The following CACNA1I variants were observed in gnomAD, a reference collection of about 807,000 sequenced individuals.
CACNA1I encodes calcium voltage-gated channel subunit alpha1 I, also known as voltage-dependent T-type calcium channel subunit alpha-1I.
In CACNA1I, 74 loss-of-function variants were observed where a neutral mutation model predicts 201.6. The ratio of observed to expected loss-of-function variants is 0.37; its 90% confidence interval spans 0.30 to 0.45. The LOEUF is 0.45. CACNA1I is among the 20% of genes least tolerant of loss of function. The probability of loss-of-function intolerance (pLI) is 1.00; values close to 1 mark genes in which losing one functional copy is unlikely to be tolerated. For synonymous variants in CACNA1I, 1,431 were observed against 1,345.2 expected (o/e 1.06, Z -1.40); for missense variants, 2,346 against 3,138.1 (o/e 0.75, Z 6.03).
intron 17 of CACNA1I, 102 bp downstream of exon 17, chr22:39,662,537 C>T: frequency 1.1e-6 from 1 of 924,784 alleles, no homozygotes; most frequent in Non-Finnish European, 1.5e-6. Flanking sequence ...CCACGGGGGG[C>T]GTGGCCGGGG....
chr22:39,598,516 C>T (rs1932946138), intron 2 of CACNA1I, among the ~76,000 whole-genome samples: 1 of 152,164 alleles, frequency 6.6e-6, no homozygotes, highest in South Asian at 2.1e-4. Context: ...CGGATCCTCT[C>T]TTCCCTTTAT....
intron 4 of CACNA1I, among the ~76,000 whole-genome samples, chr22:39,632,958 C>T (rs966917545): frequency 6.6e-6 from 1 of 151,832 alleles, no homozygotes; most frequent in African/African-American, 2.4e-5. Context: ...GGAGGCTGAC[C>T]TAGTTTTGTG....
At chr22:39,667,600 G>A (rs1347214857) in intron 23 of CACNA1I, among the ~76,000 whole-genome samples, 2 of 152,058 alleles carry the variant, frequency 1.3e-5, no homozygotes, top group African/African-American at 2.4e-5. Context: ...TTCTGTGCTG[G>A]GTGCTGCAGA....
intron 18 of CACNA1I, 71 bp downstream of exon 18, chr22:39,662,947 C>A: frequency 1.9e-6 from 2 of 1,053,850 alleles, no homozygotes; most frequent in Non-Finnish European, 2.9e-6. Context: ...TCTGCCAAGC[C>A]AGGCAAGGCC....
intron 31 of CACNA1I, among the ~76,000 whole-genome samples, chr22:39,678,348 C>G (rs539054883): frequency 1.3e-5 from 2 of 152,332 alleles, no homozygotes; most frequent in East Asian, 1.9e-4. Flanking sequence ...GGCTCAGATT[C>G]TAGGGTAGAC....
rs576226167 is a variant in CACNA1I at position 39,649,125 on chromosome 22, A to C, written c.1568-376A>C. Among the ~76,000 whole-genome samples the C allele has an allele frequency of 3.3e-5, 5 of 152,306 alleles. No individual in the cohort carries two copies. Among genetic ancestry groups the C allele is most frequent in the African/African-American group, 1.2e-4 (5 of 41,562 alleles). ...ACATTGGCCTGACTCTTTCAGAATC[A>C]CATCTAGTTCCCAAGCTGCACGACT... On this transcript the variant is annotated intron_variant, in intron 9 of 36. Coordinates refer to ENST00000402142, the MANE Select transcript of CACNA1I (RefSeq NM_021096.4). This position sits in a 1 kb window ranked among gnomAD's most constrained non-coding sequence, Gnocchi z 7.3.
Position 39,596,492 on chromosome 22 carries a change from A to G in CACNA1I, c.237-1659A>G, listed in dbSNP as rs1200118429. 5.3e-3 allele frequency among the ~76,000 whole-genome samples: 86 copies of G among 16,082 alleles called. 1 individual carries two copies. The highest frequency in any genetic ancestry group is 0.031 in the South Asian group (11 of 360). The allele number at this position is 16,082 out of a possible 152,430, so 10.6% of individuals were successfully genotyped here. On this transcript the variant is annotated intron_variant, in intron 1 of 36. Coordinates refer to ENST00000402142, the MANE Select transcript of CACNA1I (RefSeq NM_021096.4). ...AGAGAGATGGGGGAGCAGGATGGAGAGAGATGGGGGGCAGGGTGGAGAGAG... is the reference window on the plus strand; with the variant it reads ...AGAGAGATGGGGGAGCAGGATGGAGGGAGATGGGGGGCAGGGTGGAGAGAG...
At chr22:39,595,245 C>T (rs143912469) in intron 1 of CACNA1I, among the ~76,000 whole-genome samples, 24 of 151,570 alleles carry the variant, frequency 1.6e-4, no homozygotes, top group South Asian at 4.2e-4. Flanking sequence ...GCCGAGATCA[C>T]GCCACTGCAC....
intron 1 of CACNA1I, among the ~76,000 whole-genome samples, chr22:39,579,539 A>T (rs1167364463): frequency 6.6e-6 from 1 of 152,184 alleles, no homozygotes; most frequent in Non-Finnish European, 1.5e-5. Flanking sequence ...TGATGCCAGC[A>T]TCTGTTTCTG....
chr22:39,574,300 C>T (rs1221415828), intron 1 of CACNA1I, among the ~76,000 whole-genome samples: 1 of 152,084 alleles, frequency 6.6e-6, no homozygotes, highest in African/African-American at 2.4e-5. Context: ...GATTCTGGAC[C>T]CGGTGGCTGC....
At chr22:39,595,254 A>C (rs1932867692) in intron 1 of CACNA1I, among the ~76,000 whole-genome samples, 1 of 152,134 alleles carries the variant, frequency 6.6e-6, no homozygotes, top group African/African-American at 2.4e-5. Context: ...ACGCCACTGC[A>C]CTTCAGCCTG....
At position 39,684,862 on chromosome 22, in the gene CACNA1I, G is replaced by A. The variant is rs1470165923; in HGVS notation, c.6027+364G>A. The A allele has an allele frequency of 2.0e-6, 1 of 500,528 alleles. No individual in the cohort carries two copies. The highest frequency in any genetic ancestry group is 3.3e-5 in the East Asian group (1 of 30,102). 31.0% of individuals were successfully genotyped at this position (500,528 alleles called of 1,614,324 possible). ...GGGGAGGACACCCTGGGTGCTCTGG[G>A]TGGGTGTGAGTGGGGGCTTGATTAC... is the stretch of plus-strand genomic sequence containing the variant. On this transcript the variant is annotated intron_variant, in intron 36 of 36. Transcript: ENST00000402142. This position sits in a 1 kb window ranked among gnomAD's most constrained non-coding sequence, Gnocchi z 4.6.
At chr22:39,627,560 G>A (rs1332452328) in intron 4 of CACNA1I, among the ~76,000 whole-genome samples, 1 of 152,264 alleles carries the variant, frequency 6.6e-6, no homozygotes, top group Non-Finnish European at 1.5e-5. Context: ...TCATGGTCAG[G>A]CCAGCCCTGC....
chr22:39,682,936 T>A (rs543212020), intron 35 of CACNA1I, among the ~76,000 whole-genome samples: 1 of 152,066 alleles, frequency 6.6e-6, no homozygotes. Flanking sequence ...CTAGGAGCCA[T>A]GGTGAAAAGG....
In CACNA1I at chr22:39,664,972, G is replaced by A. The variant is rs572058238; in HGVS notation, c.3851+49G>A. ...GGGGGAAAGTGTCATGCACTGTACC[G>A]AGAAGCCACGGGTCGAATTGGGCCC... On this transcript the variant is annotated intron_variant, in intron 21 of 36. Transcript: ENST00000402142. 9 of 1,566,048 alleles carry A rather than the reference G, an allele frequency of 5.7e-6. No homozygotes were observed. The African/African-American group carries it at 9.4e-5, about 16-fold the overall frequency.
In CACNA1I at chr22:39,662,255, G is replaced by A. The variant is rs2146450618; in HGVS notation, c.3192G>A (p.Ser1064=). The change falls in exon 17 of 37, where the codon TCG becomes TCA. Residue 1064 remains serine (S), a synonymous_variant. Transcript: ENST00000402142. ...CGCTGTCCCTCGACAACAGGGACTC[G>A]GTGGACCTGGCCGAGCTGGTGCCCG... is the stretch of plus-strand genomic sequence containing the variant. ...RRTLSLDNRD[S]VDLAELVPAV... 4 of 1,524,536 alleles carry A rather than the reference G, an allele frequency of 2.6e-6. No individual in the cohort carries two copies. In the South Asian group the frequency reaches 3.7e-5, roughly 14 times the overall value. The allele number at this position is 1,524,536 out of a possible 1,614,324, so 94.4% of individuals were successfully genotyped here.
At chr22:39,663,317 C>CT (rs1055118329) in intron 18 of CACNA1I, among the ~76,000 whole-genome samples, 2 of 152,296 alleles carry the variant, frequency 1.3e-5, no homozygotes, top group East Asian at 3.9e-4. Flanking sequence ...GGCCTTTGTG[C>CT]TGGGCTCTGG....
chr22:39,599,031 C>G (rs1271930157), intron 2 of CACNA1I, among the ~76,000 whole-genome samples: 1 of 137,982 alleles, frequency 7.2e-6, no homozygotes, highest in Admixed American at 7.9e-5. Flanking sequence ...TCACTGCAAG[C>G]TCCACCTCCC....
chr22:39,631,300 G>A (rs746190225), intron 4 of CACNA1I, among the ~76,000 whole-genome samples: 11 of 152,200 alleles, frequency 7.2e-5, no homozygotes, highest in Non-Finnish European at 1.6e-4. Flanking sequence ...TGCATCAGGT[G>A]TCCTGAGGAC....
Sources: allele counts gnomAD v4.1 joint callset (sites outside exome capture counted in the v4.1 genomes callset), GRCh38; gene constraint gnomAD v4.1.1; non-coding constraint Gnocchi (gnomAD v3.1); transcripts MANE v1.5; gene names NCBI Gene and HGNC (gene_info 2026-07-23, HGNC 2026-07-21).